The following C3orf22 variants were observed in gnomAD, a reference collection of about 807,000 sequenced individuals.
The protein encoded by C3orf22 is uncharacterized protein C3orf22.
Under a neutral mutation model 10.8 loss-of-function variants are expected in C3orf22, and 7 were observed. The observed-to-expected ratio is 0.65, with a 90% CI of 0.37 to 1.22. The LOEUF (loss-of-function observed/expected upper bound fraction) is 1.22. Ranked by LOEUF, C3orf22 falls within the 50% of genes most tolerant of loss-of-function variation. The pLI is 0.02. For missense variants in C3orf22, 173 were observed against 177.0 expected (o/e 0.98, Z 0.13); for synonymous variants, 79 against 78.9 (o/e 1.00, Z 0.00).
chr3:126,549,734 G>A lies in C3orf22; in HGVS notation c.*134C>T, dbSNP rs1166161056. On this transcript the variant is annotated 3_prime_UTR_variant, in exon 4 of 4. Transcript: ENST00000318225. ...GTTTATTAGCTTGGTGTAGCTTTTT[G>A]GGGGGACCACAAACCACTCCCGGTC... The A allele has an allele frequency of 6.6e-7, 1 of 1,511,790 alleles. No individual in the cohort carries two copies. The highest frequency in any genetic ancestry group is 8.8e-7 in the Non-Finnish European group (1 of 1,131,820). The allele number at this position is 1,511,790 out of a possible 1,614,324, so 93.6% of individuals were successfully genotyped here.
downstream of C3orf22, among the ~76,000 whole-genome samples, chr3:126,544,841 G>T (rs1442588592): frequency 6.6e-6 from 1 of 152,212 alleles, no homozygotes; most frequent in Non-Finnish European, 1.5e-5. Context: ...CATGCTGCAG[G>T]CACCCAGTGT....
chr3:126,536,173 A>T (rs1936785886), intron 4 of C3orf22: 1 of 932,776 alleles, frequency 1.1e-6, no homozygotes. Context: ...ATTGAGTGCC[A>T]GAGGTGGGTC....
exon 5 of C3orf22, chr3:126,529,302 G>T: frequency 7.8e-7 from 1 of 1,288,668 alleles, no homozygotes; most frequent in Non-Finnish European, 1.0e-6. Flanking sequence ...GCATGGCCTT[G>T]AGCAGCTCTC....
chr3:126,534,153 T>A (rs1442070899), intron 4 of C3orf22, among the ~76,000 whole-genome samples: 1 of 152,218 alleles, frequency 6.6e-6, no homozygotes. Flanking sequence ...GTTTTTGAGA[T>A]CTTTTCAAAG....
intron 4 of C3orf22, among the ~76,000 whole-genome samples, chr3:126,538,435 G>A (rs566617846): frequency 3.3e-5 from 5 of 152,276 alleles, no homozygotes; most frequent in Admixed American, 6.5e-5. Context: ...CCCTGATATC[G>A]CCTCAGGCAG....
chr3:126,550,658 C>T (rs1245378936), intron 3 of C3orf22, among the ~76,000 whole-genome samples: 6 of 152,214 alleles, frequency 3.9e-5, no homozygotes, highest in African/African-American at 1.4e-4. Flanking sequence ...ACAGCCCCCT[C>T]CCTACCTCCT....
chr3:126,557,480 G>T (rs2107587649), intron 1 of C3orf22, among the ~76,000 whole-genome samples: 1 of 152,330 alleles, frequency 6.6e-6, no homozygotes, highest in Admixed American at 6.5e-5. Flanking sequence ...ATCCCATAAT[G>T]TGCCATGCTG....
downstream of C3orf22, chr3:126,549,608 C>T (rs932490507): frequency 7.2e-7 from 1 of 1,398,332 alleles, no homozygotes. Context: ...CACACCAACC[C>T]TGCAAGATTA....
In C3orf22 at chr3:126,542,479, G is replaced by A. The variant is rs772828007; in HGVS notation, c.286+7058C>T. The A allele has an allele frequency of 2.8e-5, 45 of 1,583,676 alleles. No individual in the cohort carries two copies. In the African/African-American group the frequency reaches 3.7e-4, roughly 13 times the overall value. On this transcript the variant is annotated intron_variant and NMD_transcript_variant, in intron 4 of 5. Transcript: ENST00000505070. ...GCGACCTGGCAGCGCGCCTCTTCCGGGACATCAGCCCCTTCTACCAGCGGC... is the reference window on the plus strand; with the variant it reads ...GCGACCTGGCAGCGCGCCTCTTCCGAGACATCAGCCCCTTCTACCAGCGGC...
At chr3:126,543,861 C>T (rs1000996474) in intron 4 of C3orf22, among the ~76,000 whole-genome samples, 2 of 152,190 alleles carry the variant, frequency 1.3e-5, no homozygotes, top group African/African-American at 4.8e-5. Context: ...TGGCCAACTC[C>T]AGTGGACCTG....
chr3:126,535,504 T>C (rs9848138), intron 4 of C3orf22, among the ~76,000 whole-genome samples: 15,365 of 58,438 alleles, frequency 0.26, 1,278 homozygotes, highest in African/African-American at 0.42. Flanking sequence ...ACACAGACAG[T>C]ATCGCTGTCC....
intron 4 of C3orf22, chr3:126,529,399 T>C (rs1411724192): frequency 7.8e-7 from 1 of 1,288,760 alleles, no homozygotes; most frequent in Non-Finnish European, 1.0e-6. Context: ...GGGGGACAGG[T>C]GTCAGGACAA....
chr3:126,529,447 G>A (rs1182894705), intron 4 of C3orf22: 4 of 1,235,138 alleles, frequency 3.2e-6, no homozygotes, highest in African/African-American at 1.6e-5. Context: ...GGTGTTAAGG[G>A]TGCAGATGCT....
chr3:126,529,131 C>G, intron 5 of C3orf22: 1 of 355,850 alleles, frequency 2.8e-6, no homozygotes, highest in Non-Finnish European at 5.3e-6. Context: ...TGTGCCCTCA[C>G]CCTGCACAGG....
chr3:126,553,369 TC>T lies in C3orf22; in HGVS notation c.21del (p.Lys8SerfsTer27), dbSNP rs752397039. The T allele has an allele frequency of 1.9e-6, 3 of 1,614,010 alleles. No homozygotes were observed. In the South Asian group the frequency reaches 3.3e-5, roughly 18 times the overall value. On this transcript the variant is annotated frameshift_variant, in exon 2 of 4. Transcript: ENST00000318225. LOFTEE classifies it high-confidence loss of function. Reference sequence around the variant, plus strand: ...CTCCACTTCTTACTCTGGTGAGACTTCTTGCAGGCACTGGAGTCCATCACTG... The same window carrying T: ...CTCCACTTCTTACTCTGGTGAGACTTTTGCAGGCACTGGAGTCCATCACTG... Reference protein sequence around the residue: MDSSACKKSHQSKKWRI... With the variant: MDSSACXKSHQSKKWRI...
chr3:126,531,264 G>C (rs1936654313), intron 4 of C3orf22, among the ~76,000 whole-genome samples: 1 of 152,192 alleles, frequency 6.6e-6, no homozygotes, highest in Non-Finnish European at 1.5e-5. Context: ...GAGTTTAATG[G>C]GCCCCACACA....
intron 4 of C3orf22, among the ~76,000 whole-genome samples, chr3:126,540,143 A>T (rs1291984037): frequency 6.6e-6 from 1 of 151,936 alleles, no homozygotes; most frequent in Non-Finnish European, 1.5e-5. Flanking sequence ...GACCCTCCCA[A>T]GCAGGCCCTG....
At position 126,552,119 on chromosome 3, in the gene C3orf22, CA is replaced by C; in HGVS notation, c.92del (p.Leu31CysfsTer4). The C allele has an allele frequency of 6.2e-7, 1 of 1,613,740 alleles. No individual in the cohort carries two copies. Among genetic ancestry groups the C allele is most frequent in the Non-Finnish European group, 8.5e-7 (1 of 1,179,910 alleles). On this transcript the variant is annotated frameshift_variant and splice_region_variant, in exon 3 of 4. Coordinates refer to ENST00000318225, the MANE Select transcript of C3orf22 (RefSeq NM_152533.3). LOFTEE classifies it high-confidence loss of function. ...CAGGGTCGGGCTCTGTCAGCCACGACAACCTGCAACAGCACTTGGAATGTCA... is the reference window on the plus strand; with the variant it reads ...CAGGGTCGGGCTCTGTCAGCCACGACACCTGCAACAGCACTTGGAATGTCA... ...ENFAKKFPYR[L>X]SWLTEPDPEP...
chr3:126,531,660 C>A (rs960583089), intron 4 of C3orf22, among the ~76,000 whole-genome samples: 1 of 152,190 alleles, frequency 6.6e-6, no homozygotes, highest in Admixed American at 6.5e-5. Flanking sequence ...CCTTTTATGG[C>A]CAATTAATAG....
Sources: allele counts gnomAD v4.1 joint callset (sites outside exome capture counted in the v4.1 genomes callset), GRCh38; gene constraint gnomAD v4.1.1; transcripts MANE v1.5; gene names NCBI Gene and HGNC (gene_info 2026-07-23, HGNC 2026-07-21).